The following TENM3 variants were observed in gnomAD, a reference collection of about 807,000 sequenced individuals.
The protein encoded by TENM3 is teneurin-3.
In TENM3, 63 loss-of-function variants were observed where a neutral mutation model predicts 255.1. The ratio of observed to expected loss-of-function variants is 0.25; its 90% CI spans 0.20 to 0.30. TENM3 has a LOEUF of 0.30. TENM3 is among the 10% of genes least tolerant of loss of function. The pLI is 1.00. For synonymous variants in TENM3, 1,306 were observed against 1,322.3 expected, an observed-to-expected ratio of 0.99 and a Z score of 0.27; for missense variants, 2,929 against 3,461.1, an observed-to-expected ratio of 0.85 and a Z score of 3.86.
the TENM3 span, among the ~76,000 whole-genome samples, chr4:181,839,345 GTATATATATATATATA>G: frequency 3.5e-4 from 20 of 56,670 alleles, no homozygotes; most frequent in Admixed American, 1.6e-3. Flanking sequence ...TGTATTGAGG[GTATATATATATATATA>G]TATATATATA....
chr4:182,635,008 C>G (rs1751726935), intron 5 of TENM3, among the ~76,000 whole-genome samples: 1 of 152,128 alleles, frequency 6.6e-6, no homozygotes, highest in Non-Finnish European at 1.5e-5. Flanking sequence ...TGCAAATAAG[C>G]CCTCAAATCA....
intron 1 of TENM3, among the ~76,000 whole-genome samples, chr4:182,163,446 G>T (rs1394168084): frequency 6.6e-6 from 1 of 152,156 alleles, no homozygotes; most frequent in Non-Finnish European, 1.5e-5. Context: ...GCATTTCCAA[G>T]CACGAGGCGA....
intron 1 of TENM3, among the ~76,000 whole-genome samples, chr4:182,255,948 G>C (rs1197858762): frequency 1.3e-5 from 2 of 152,056 alleles, no homozygotes; most frequent in African/African-American, 2.4e-5. Flanking sequence ...TTTCTTTGCT[G>C]TTCTTTGTAC....
At chr4:182,406,683 A>C (rs1769605472) in intron 3 of TENM3, among the ~76,000 whole-genome samples, 1 of 152,180 alleles carries the variant, frequency 6.6e-6, no homozygotes, top group African/African-American at 2.4e-5. Flanking sequence ...TTTAACTTTC[A>C]GTTAACTAAT....
the TENM3 span, among the ~76,000 whole-genome samples, chr4:182,025,115 G>A: frequency 2.7e-5 from 4 of 147,406 alleles, no homozygotes; most frequent in Admixed American, 1.4e-4. Flanking sequence ...TGCAAGCTCC[G>A]CCTTGCGGGT....
At chr4:181,749,560 C>G in the TENM3 span, among the ~76,000 whole-genome samples, 1 of 152,226 alleles carries the variant, frequency 6.6e-6, no homozygotes, top group South Asian at 2.1e-4. Flanking sequence ...AAGAGAAAGT[C>G]TCTCTCTGCT....
intron 5 of TENM3, among the ~76,000 whole-genome samples, chr4:182,641,896 C>T (rs936765036): frequency 6.6e-6 from 1 of 152,134 alleles, no homozygotes; most frequent in Non-Finnish European, 1.5e-5. Context: ...GTACTGCAAG[C>T]CTTTGAATAA....
At chr4:182,057,658 C>T in the TENM3 span, among the ~76,000 whole-genome samples, 1 of 152,160 alleles carries the variant, frequency 6.6e-6, no homozygotes. Context: ...GCCTTCGCCT[C>T]CCAAGATGCT....
chr4:182,394,899 GATAA>G (rs1366117582), intron 3 of TENM3, among the ~76,000 whole-genome samples: 3 of 152,222 alleles, frequency 2.0e-5, no homozygotes, highest in Non-Finnish European at 2.9e-5. Flanking sequence ...AGGCCAGAAA[GATAA>G]ATTGTTTGGG....
intron 13 of TENM3, 106 bp downstream of exon 13, chr4:182,714,339 A>C (rs1464278659): frequency 2.8e-6 from 2 of 710,488 alleles, no homozygotes; most frequent in Non-Finnish European, 4.3e-6. Flanking sequence ...AAAAAAAAAA[A>C]CCTGATCCCC....
chr4:181,504,341 C>CT, the TENM3 span, among the ~76,000 whole-genome samples: 490 of 152,278 alleles, frequency 3.2e-3, 4 homozygotes, highest in African/African-American at 0.011. Context: ...TCCCCCAATC[C>CT]TTTTTTTCTT....
chr4:181,917,976 C>T, the TENM3 span, among the ~76,000 whole-genome samples: 2 of 152,006 alleles, frequency 1.3e-5, no homozygotes, highest in African/African-American at 4.8e-5. Context: ...CCTCAGGTTT[C>T]TAACCAACTC....
chr4:182,503,216 C>T (rs1434285795), intron 3 of TENM3, among the ~76,000 whole-genome samples: 3 of 152,034 alleles, frequency 2.0e-5, no homozygotes, highest in East Asian at 3.9e-4. Context: ...ATACATGTGG[C>T]TGCTGGAATT....
the TENM3 span, among the ~76,000 whole-genome samples, chr4:181,843,060 CCT>C: frequency 1.3e-5 from 2 of 152,046 alleles, no homozygotes; most frequent in Non-Finnish European, 2.9e-5. Flanking sequence ...TATTATATTC[CCT>C]GTTGTATTAA....
chr4:182,021,488 C>A, the TENM3 span, among the ~76,000 whole-genome samples: 2 of 151,986 alleles, frequency 1.3e-5, no homozygotes, highest in Non-Finnish European at 2.9e-5. Context: ...CTCAAATCCC[C>A]CCCAGAAAAC....
At chr4:181,802,680 G>A in the TENM3 span, among the ~76,000 whole-genome samples, 5 of 151,946 alleles carry the variant, frequency 3.3e-5, no homozygotes, top group African/African-American at 4.8e-5. Flanking sequence ...GATTTTTTTC[G>A]TCTTTCAAAT....
intron 3 of TENM3, among the ~76,000 whole-genome samples, chr4:182,379,953 TCAACAACAA>T (rs376801266): frequency 6.6e-6 from 1 of 151,988 alleles, no homozygotes; most frequent in South Asian, 2.1e-4. Context: ...GCTAGCTATT[TCAACAACAA>T]CAACAACAAC....
the TENM3 span, among the ~76,000 whole-genome samples, chr4:181,818,912 C>G: frequency 6.6e-6 from 1 of 152,158 alleles, no homozygotes; most frequent in Non-Finnish European, 1.5e-5. Context: ...CAGTAAATCT[C>G]TTAATACATA....
At chr4:182,488,461 A>G (rs1734965968) in intron 3 of TENM3, among the ~76,000 whole-genome samples, 1 of 135,828 alleles carries the variant, frequency 7.4e-6, no homozygotes, top group African/African-American at 2.6e-5. Context: ...TTATCTATAT[A>G]ATTTTGTTCT....
Sources: gnomAD v4.1 joint callset for allele counts (sites outside exome capture counted in the v4.1 genomes callset) on GRCh38, gnomAD v4.1.1 for gene constraint, MANE v1.5 for transcripts, NCBI Gene and HGNC (gene_info 2026-07-23, HGNC 2026-07-21) for gene names.